The following PDILT variants were observed in gnomAD, a reference collection of about 807,000 sequenced individuals.
PDILT encodes the protein protein disulfide isomerase like, testis expressed.
PDILT carries 43 observed loss-of-function variants against 53.7 expected under a neutral mutation model. The ratio of observed to expected loss-of-function variants is 0.80; its 90% CI spans 0.63 to 1.03. PDILT has a LOEUF of 1.03. Ranked by LOEUF, PDILT falls within the 50% of genes least tolerant of loss-of-function variation. The pLI is 0.00. For synonymous variants in PDILT, 282 were observed against 274.2 expected, an observed-to-expected ratio of 1.03 and a Z score of -0.28; for missense variants, 727 against 712.3, an observed-to-expected ratio of 1.02 and a Z score of -0.24.
chr16:20,387,493 A>G (rs904137048), intron 2 of PDILT, among the ~76,000 whole-genome samples: 1 of 152,202 alleles, frequency 6.6e-6, no homozygotes, highest in Non-Finnish European at 1.5e-5. Flanking sequence ...AGCTGGGGCC[A>G]GGGGACAGGT....
intron 2 of PDILT, among the ~76,000 whole-genome samples, chr16:20,392,512 C>T (rs1966617407): frequency 7.1e-6 from 1 of 140,402 alleles, no homozygotes. Context: ...TGCAAAGAGC[C>T]CATTTACCCT....
At chr16:20,402,542 G>A (rs1398294148) in intron 1 of PDILT, among the ~76,000 whole-genome samples, 11 of 152,248 alleles carry the variant, frequency 7.2e-5, no homozygotes, top group Middle Eastern at 3.4e-3. Context: ...CAGGTGATCC[G>A]CCCACCTCGG....
At position 20,395,844 on chromosome 16, in the gene PDILT, A is replaced by C. The variant is rs1966655316; in HGVS notation, c.202+3255T>G. Among the ~76,000 whole-genome samples the C allele has an allele frequency of 2.6e-5, 4 of 152,168 alleles. No homozygotes were observed. The South Asian group carries it at 8.3e-4, about 32-fold the overall frequency. The stretch of plus-strand genomic sequence containing the variant: ...TTCCCCTCTCACACATGATTGCTGC[A>C]CACACCAGCTCCCCCTTCACCTTCC... On this transcript the variant is annotated intron_variant, in intron 2 of 11. Coordinates refer to ENST00000302451, the MANE Select transcript of PDILT (RefSeq NM_174924.2).
chr16:20,370,973 G>A (rs1000641180), intron 7 of PDILT, among the ~76,000 whole-genome samples: 3 of 152,194 alleles, frequency 2.0e-5, no homozygotes, highest in Non-Finnish European at 4.4e-5. Context: ...CTATAAAAAT[G>A]GCAACCAGCC....
At chr16:20,387,931 A>G (rs1003954920) in intron 2 of PDILT, among the ~76,000 whole-genome samples, 4 of 152,188 alleles carry the variant, frequency 2.6e-5, no homozygotes, top group Admixed American at 6.5e-5. Flanking sequence ...GGAAAGAGAA[A>G]GGATGCAGGT....
chr16:20,375,079 C>T (rs1003211773), intron 4 of PDILT, 120 bp from the exon 5 acceptor site: 1 of 1,138,996 alleles, frequency 8.8e-7, no homozygotes, highest in Non-Finnish European at 1.2e-6. Context: ...CTGGGGTTTG[C>T]CTGGGTCACC....
intron 7 of PDILT, among the ~76,000 whole-genome samples, chr16:20,371,749 C>G (rs1473991297): frequency 6.6e-6 from 1 of 151,786 alleles, no homozygotes; most frequent in East Asian, 1.9e-4. Flanking sequence ...TAAGCATTGA[C>G]TACTGTAAAA....
chr16:20,380,904 T>G (rs943548105), intron 3 of PDILT, among the ~76,000 whole-genome samples: 9 of 152,224 alleles, frequency 5.9e-5, no homozygotes, highest in Admixed American at 3.3e-4. Context: ...AGTTATGAAC[T>G]CTGCAAATTG....
rs139714092 is a variant in PDILT at position 20,359,931 on chromosome 16, C to T, written c.1507-364G>A. On this transcript the variant is annotated intron_variant, in intron 11 of 11. Transcript: ENST00000302451. The stretch of plus-strand genomic sequence containing the variant: ...TTCTGGGACATCTAAGAAGTAGATG[C>T]TTGCTTTCTAAACTGGGAGGATGAT... Among the ~76,000 whole-genome samples the T allele has an allele frequency of 2.0e-5, 3 of 152,288 alleles. No individual in the cohort carries two copies. In the East Asian group the frequency reaches 5.8e-4, roughly 29 times the overall value.
chr16:20,372,174 TA>T (rs2141712915), intron 7 of PDILT, among the ~76,000 whole-genome samples: 1 of 152,312 alleles, frequency 6.6e-6, no homozygotes, highest in South Asian at 2.1e-4. Flanking sequence ...ATGATAATAA[TA>T]AAAAGCACCA....
chr16:20,396,284 G>T (rs530991644), intron 2 of PDILT, among the ~76,000 whole-genome samples: 77 of 152,276 alleles, frequency 5.1e-4, no homozygotes, highest in Middle Eastern at 3.4e-3. Context: ...TTTACACTCA[G>T]TCTTGCCTGG....
At chr16:20,399,771 A>C (rs1483658689) in intron 1 of PDILT, among the ~76,000 whole-genome samples, 2 of 147,486 alleles carry the variant, frequency 1.4e-5, no homozygotes, top group African/African-American at 2.5e-5. Context: ...TGTGAAGGGA[A>C]GCTCACTACC....
chr16:20,374,795 T>C (rs1165435541), intron 5 of PDILT, 27 bp downstream of exon 5: 2 of 1,598,090 alleles, frequency 1.3e-6, no homozygotes, highest in African/African-American at 1.3e-5. Flanking sequence ...CAGAGACCTC[T>C]CACTAGCAAT....
chr16:20,383,393 G>A (rs546846626), intron 3 of PDILT, among the ~76,000 whole-genome samples: 3 of 152,204 alleles, frequency 2.0e-5, no homozygotes, highest in East Asian at 3.9e-4. Flanking sequence ...GTCATCCCCT[G>A]GTATCTATAG....
rs147072451 is a variant in PDILT, at chr16:20,368,822, G to T, written c.1116+670C>A. ...TGGCCTCGAACTCCTGGGCTCAAGT[G>T]ATCCTCTCACCTCAACTTTGCAAAG... On this transcript the variant is annotated intron_variant, in intron 8 of 11. Transcript: ENST00000302451. Among the ~76,000 whole-genome samples the T allele has an allele frequency of 2.0e-5, 3 of 152,144 alleles. No homozygotes were observed. In the East Asian group the frequency reaches 5.8e-4, roughly 29 times the overall value.
Position 20,359,273 on chromosome 16 carries a change from G to C in PDILT, c.*46C>G. The stretch of plus-strand genomic sequence containing the variant: ...GGAATCAATCCATTCAGAAAATGAT[G>C]CCAGGATCTGGAAAATAAGCATCTT... On this transcript the variant is annotated 3_prime_UTR_variant, in exon 12 of 12. Coordinates refer to ENST00000302451, the MANE Select transcript of PDILT (RefSeq NM_174924.2). 6.3e-7 allele frequency: 1 copy of C among 1,590,372 alleles called. No individual in the cohort carries two copies. The highest frequency in any genetic ancestry group is 1.7e-4 in the Middle Eastern group (1 of 5,912).
At chr16:20,389,491 C>A (rs935061375) in intron 2 of PDILT, among the ~76,000 whole-genome samples, 1 of 152,152 alleles carries the variant, frequency 6.6e-6, no homozygotes, top group Middle Eastern at 3.2e-3. Flanking sequence ...GGTCCCATGG[C>A]AATGTCAGGA....
chr16:20,399,373 C>T lies in PDILT; in HGVS notation c.-7-66G>A, dbSNP rs539271275. 34 of 1,524,934 alleles carry T rather than the reference C, an allele frequency of 2.2e-5. No individual in the cohort carries two copies. The South Asian group carries it at 3.7e-4, about 17-fold the overall frequency. The allele number at this position is 1,524,934 out of a possible 1,614,324, so 94.5% of individuals were successfully genotyped here. On this transcript the variant is annotated intron_variant, in intron 1 of 11. Transcript: ENST00000302451. Reference sequence around the variant, plus strand: ...GGTGGTGGAGCCCCACGTCATCACCCCCACTTCCTTGTCCAGCTGGTCCAT... The same window carrying T: ...GGTGGTGGAGCCCCACGTCATCACCTCCACTTCCTTGTCCAGCTGGTCCAT...
Position 20,376,121 on chromosome 16 carries a change from G to C in PDILT, c.490C>G (p.Gln164Glu), listed in dbSNP as rs1275316670. 6.2e-7 allele frequency: 1 copy of C among 1,614,056 alleles called. No individual in the cohort carries two copies. The highest frequency in any genetic ancestry group is 8.5e-7 in the Non-Finnish European group (1 of 1,180,034). Residue 164 changes from glutamine to glutamate, a missense_variant, in exon 4 of 12, where the codon CAG becomes GAG. Transcript: ENST00000302451. ...QKAFLFNSSEQVAEFVISRPL... is the reference protein window; with the variant it reads ...QKAFLFNSSEEVAEFVISRPL... ...CTGGATATCACAAACTCTGCCACCT[G>C]CTCGCTGCTGTTGAACAAAAATGCT...
Sources: allele counts gnomAD v4.1 joint callset (sites outside exome capture counted in the v4.1 genomes callset), GRCh38; gene constraint gnomAD v4.1.1; transcripts MANE v1.5; gene names NCBI Gene and HGNC (gene_info 2026-07-23, HGNC 2026-07-21).